LRP1B: variants seen among roughly 807,000 people sequenced by gnomAD.
The protein encoded by LRP1B is LDL receptor related protein 1B.
Under a neutral mutation model 556.6 loss-of-function variants are expected in LRP1B, and 217 were observed. That is an observed-to-expected ratio of 0.39 (90% CI 0.35 to 0.44). LRP1B has a LOEUF of 0.44. Ranked by LOEUF, LRP1B falls within the 20% of genes least tolerant of loss-of-function variation. The pLI is 1.00. For synonymous variants in LRP1B, 2,047 were observed against 1,865.8 expected (o/e 1.10, Z -2.50); for missense variants, 5,053 against 5,620.8 (o/e 0.90, Z 3.23).
intron 41 of LRP1B, among the ~76,000 whole-genome samples, chr2:140,626,497 A>G (rs372610347): frequency 1.3e-5 from 2 of 152,106 alleles, no homozygotes; most frequent in African/African-American, 4.8e-5. Flanking sequence ...CTTTTTATTT[A>G]CTCAATTTTG....
At chr2:140,322,231 C>T (rs1191308203) in intron 81 of LRP1B, 143 bp from the exon 82 acceptor site, 1 of 738,298 alleles carries the variant, frequency 1.4e-6, no homozygotes, top group African/African-American at 1.8e-5. Flanking sequence ...GAGTATCTCA[C>T]TCAATATCAT....
At chr2:142,043,515 G>A (rs559559137) in intron 1 of LRP1B, among the ~76,000 whole-genome samples, 1 of 151,712 alleles carries the variant, frequency 6.6e-6, no homozygotes, top group Non-Finnish European at 1.5e-5. Flanking sequence ...GAAAAAAATA[G>A]TGTTTATATT....
At chr2:141,523,958 A>C (rs1297831709) in intron 2 of LRP1B, among the ~76,000 whole-genome samples, 1 of 152,188 alleles carries the variant, frequency 6.6e-6, no homozygotes, top group East Asian at 1.9e-4. Context: ...CTTCAGCTAA[A>C]GTCGCAATAA....
chr2:140,250,943 CGTAGAA>C (rs1478906207), intron 86 of LRP1B, among the ~76,000 whole-genome samples: 1 of 151,234 alleles, frequency 6.6e-6, no homozygotes, highest in Non-Finnish European at 1.5e-5. Flanking sequence ...AAATAAGCTA[CGTAGAA>C]GTTCCCTACA....
intron 2 of LRP1B, among the ~76,000 whole-genome samples, chr2:141,656,561 C>T (rs1227659764): frequency 2.0e-5 from 3 of 152,020 alleles, no homozygotes; most frequent in Non-Finnish European, 4.4e-5. Context: ...TTAAACGTTG[C>T]TAATTAAATG....
At chr2:140,310,413 CCAAAA>C (rs1684247226) in intron 83 of LRP1B, among the ~76,000 whole-genome samples, 1 of 70,970 alleles carries the variant, frequency 1.4e-5, no homozygotes, top group Non-Finnish European at 3.2e-5. Context: ...TCATACGGAA[CCAAAA>C]AAAAAAAAAA....
chr2:142,114,098 A>T (rs528656163), intron 1 of LRP1B, among the ~76,000 whole-genome samples: 1 of 152,254 alleles, frequency 6.6e-6, no homozygotes, highest in African/African-American at 2.4e-5. Flanking sequence ...TAGAATCCTT[A>T]TAGACCCAGT....
At chr2:141,956,420 A>G (rs1175866702) in intron 1 of LRP1B, among the ~76,000 whole-genome samples, 2 of 151,880 alleles carry the variant, frequency 1.3e-5, no homozygotes, top group Admixed American at 1.3e-4. Flanking sequence ...CTTTTTTTCT[A>G]ATATGTGGTT....
chr2:141,560,577 GAAATTC>G (rs1686111185), intron 2 of LRP1B, among the ~76,000 whole-genome samples: 1 of 151,528 alleles, frequency 6.6e-6, no homozygotes, highest in African/African-American at 2.4e-5. Flanking sequence ...ATGAAATTCT[GAAATTC>G]TGTTTATGTT....
Position 140,626,303 on chromosome 2 carries a change from T to C in LRP1B, c.6800-24664A>G, listed in dbSNP as rs144524530. On this transcript the variant is annotated intron_variant, in intron 41 of 90. Coordinates refer to ENST00000389484, the MANE Select transcript of LRP1B (RefSeq NM_018557.3). ...GTACCACAATGGTAGATAAATGTCA[T>C]TATATATTTGTTGAAAGTCACAGAA... 5.9e-5 allele frequency among the ~76,000 whole-genome samples: 9 copies of C among 152,248 alleles called. No homozygotes were observed. In the East Asian group the frequency reaches 1.7e-3, roughly 29 times the overall value.
chr2:140,376,983 A>G (rs1396098788), intron 68 of LRP1B, among the ~76,000 whole-genome samples: 1 of 152,158 alleles, frequency 6.6e-6, no homozygotes, highest in African/African-American at 2.4e-5. Context: ...GCGGGCATTC[A>G]TGAGAGGTGA....
intron 3 of LRP1B, among the ~76,000 whole-genome samples, chr2:141,362,991 A>G (rs1010099326): frequency 9.2e-5 from 14 of 152,154 alleles, no homozygotes; most frequent in African/African-American, 3.1e-4. Flanking sequence ...TGATTATTTC[A>G]GTCTCCAGCT....
At chr2:141,936,824 A>C (rs1489511375) in intron 1 of LRP1B, among the ~76,000 whole-genome samples, 2 of 151,848 alleles carry the variant, frequency 1.3e-5, no homozygotes, top group Non-Finnish European at 2.9e-5. Flanking sequence ...TTAATTTTGG[A>C]TATACATAAT....
intron 3 of LRP1B, among the ~76,000 whole-genome samples, chr2:141,295,041 G>A (rs1573767590): frequency 6.6e-6 from 1 of 151,714 alleles, no homozygotes; most frequent in Middle Eastern, 3.3e-3. Flanking sequence ...TTTTTTATTA[G>A]TATAACATCT....
At chr2:140,826,117 C>A (rs1691493542) in intron 31 of LRP1B, among the ~76,000 whole-genome samples, 1 of 152,158 alleles carries the variant, frequency 6.6e-6, no homozygotes, top group Non-Finnish European at 1.5e-5. Flanking sequence ...GAGTGTCAAG[C>A]ATGTCTTTAG....
chr2:140,892,021 C>T (rs1305167659), intron 23 of LRP1B, among the ~76,000 whole-genome samples: 2 of 152,030 alleles, frequency 1.3e-5, no homozygotes, highest in Non-Finnish European at 2.9e-5. Flanking sequence ...AGAGCACTCA[C>T]TCAGGTGAGA....
intron 1 of LRP1B, among the ~76,000 whole-genome samples, chr2:141,897,623 C>A (rs1206070010): frequency 1.3e-5 from 2 of 152,100 alleles, no homozygotes; most frequent in Non-Finnish European, 1.5e-5. Flanking sequence ...TCCATTTTGT[C>A]TATGCCACAT....
intron 68 of LRP1B, among the ~76,000 whole-genome samples, chr2:140,374,069 G>T (rs1320589409): frequency 6.6e-6 from 1 of 152,056 alleles, no homozygotes; most frequent in African/African-American, 2.4e-5. Context: ...ATTTCTGCTA[G>T]TCCATATACA....
chr2:141,714,653 CTG>C (rs1473097615), intron 2 of LRP1B, among the ~76,000 whole-genome samples: 1 of 152,108 alleles, frequency 6.6e-6, no homozygotes, highest in African/African-American at 2.4e-5. Context: ...TAGGCAGAGA[CTG>C]TTAGAAACGC....
Sources: allele counts gnomAD v4.1 joint callset (sites outside exome capture counted in the v4.1 genomes callset), GRCh38; gene constraint gnomAD v4.1.1; transcripts MANE v1.5; gene names NCBI Gene and HGNC (gene_info 2026-07-23, HGNC 2026-07-21).